SLAMF1: variants seen among roughly 807,000 people sequenced by gnomAD.
SLAMF1 encodes the protein signaling lymphocytic activation molecule.
A neutral mutation model predicts 35.1 loss-of-function variants in SLAMF1; 18 were observed. The ratio of observed to expected loss-of-function variants is 0.51; its 90% confidence interval spans 0.35 to 0.76. The LOEUF is 0.76. Ranked by LOEUF, SLAMF1 falls within the 30% of genes least tolerant of loss-of-function variation. SLAMF1 has a pLI of 0.01. For synonymous variants in SLAMF1, 168 were observed against 157.2 expected (o/e 1.07, Z -0.51); for missense variants, 392 against 413.0 (o/e 0.95, Z 0.44).
intron 3 of SLAMF1, among the ~76,000 whole-genome samples, chr1:160,626,546 C>T (rs1445270750): frequency 2.6e-5 from 4 of 152,058 alleles, no homozygotes; most frequent in East Asian, 1.9e-4. Flanking sequence ...CCTTTTTAAC[C>T]TTAAGGGAAC....
At chr1:160,646,656 T>G (rs973038466) in intron 1 of SLAMF1, among the ~76,000 whole-genome samples, 1 of 152,158 alleles carries the variant, frequency 6.6e-6, no homozygotes, top group African/African-American at 2.4e-5. Flanking sequence ...CCTTGGAAAC[T>G]GGGGTTGGTG....
Position 160,642,298 on chromosome 1 carries a change from A to G in SLAMF1, c.76+4572T>C, listed in dbSNP as rs1184172576. Among the ~76,000 whole-genome samples the G allele has an allele frequency of 6.6e-6, 1 of 152,206 alleles. No individual in the cohort carries two copies. Among genetic ancestry groups the G allele is most frequent in the East Asian group, 1.9e-4 (1 of 5,202 alleles). ...ACGTTCCCTAGCCTTAGAGGCTATA[A>G]CCACTCTTTATTTGCCTAGCTAACA... On this transcript the variant is annotated intron_variant, in intron 1 of 6. Transcript: ENST00000302035. The surrounding 1 kb of genome is among the most constrained non-coding windows in gnomAD (Gnocchi z 4.2).
chr1:160,628,255 T>C (rs765037931), intron 3 of SLAMF1, among the ~76,000 whole-genome samples: 2 of 152,204 alleles, frequency 1.3e-5, no homozygotes, highest in Admixed American at 6.5e-5. Flanking sequence ...TGCTGAAGAT[T>C]GAAGGGTCCC....
chr1:160,620,094 A>G (rs1659528458), intron 4 of SLAMF1, among the ~76,000 whole-genome samples: 3 of 152,242 alleles, frequency 2.0e-5, no homozygotes, highest in Admixed American at 6.5e-5. Flanking sequence ...TGATAATTAA[A>G]TGAGATACCA....
intron 5 of SLAMF1, among the ~76,000 whole-genome samples, chr1:160,617,276 A>G (rs1329312397): frequency 6.6e-6 from 1 of 152,208 alleles, no homozygotes; most frequent in Non-Finnish European, 1.5e-5. Context: ...ATTTGGAGGT[A>G]TGCATACTCT....
chr1:160,621,777 A>G (rs960458662), intron 4 of SLAMF1, among the ~76,000 whole-genome samples: 2 of 151,584 alleles, frequency 1.3e-5, no homozygotes, highest in Non-Finnish European at 2.9e-5. Context: ...GTGTGTGGGT[A>G]TGAGCACGGT....
At chr1:160,620,504 T>G (rs1570975874) in intron 4 of SLAMF1, among the ~76,000 whole-genome samples, 2 of 152,326 alleles carry the variant, frequency 1.3e-5, no homozygotes, top group Non-Finnish European at 2.9e-5. Flanking sequence ...CAGAATATTT[T>G]AATTTTTAGC....
intron 1 of SLAMF1, among the ~76,000 whole-genome samples, chr1:160,645,804 G>T (rs1661012899): frequency 6.6e-6 from 1 of 152,132 alleles, no homozygotes; most frequent in African/African-American, 2.4e-5. Context: ...TGGCTGTCTG[G>T]TAAAAGACAC....
At chr1:160,620,097 A>G (rs1444010478) in intron 4 of SLAMF1, among the ~76,000 whole-genome samples, 1 of 152,232 alleles carries the variant, frequency 6.6e-6, no homozygotes, top group Non-Finnish European at 1.5e-5. Context: ...TAATTAAATG[A>G]GATACCACTT....
chr1:160,631,108 A>G (rs1390425869), intron 3 of SLAMF1, among the ~76,000 whole-genome samples: 1 of 152,210 alleles, frequency 6.6e-6, no homozygotes, highest in African/African-American at 2.4e-5. Context: ...ACTGGCCCCT[A>G]GCACAATGTA....
At position 160,634,369 on chromosome 1, in the gene SLAMF1, G is replaced by A. The variant is rs909781276; in HGVS notation, c.700+244C>T. ...GAGAAGGCTACGCCTTGGAGACTTA[G>A]GCTCTGGGTCTGTCTCTATCACCTC... On this transcript the variant is annotated intron_variant, in intron 3 of 6. Coordinates refer to ENST00000302035, the MANE Select transcript of SLAMF1 (RefSeq NM_003037.5). 13 of 983,108 alleles carry A rather than the reference G, an allele frequency of 1.3e-5. No homozygotes were observed. The South Asian group carries it at 5.7e-4, about 43-fold the overall frequency. 60.9% of individuals were successfully genotyped at this position (983,108 alleles called of 1,614,324 possible). A position where few individuals can be genotyped will look rare whatever the true frequency, so the allele number is the denominator to read the frequency against.
In SLAMF1 at chr1:160,610,709, C is replaced by A. The variant is rs775142612; in HGVS notation, c.*39G>T. 7 of 1,560,506 alleles carry A rather than the reference C, an allele frequency of 4.5e-6. No individual in the cohort carries two copies. In the East Asian group the frequency reaches 1.6e-4, roughly 35 times the overall value. On this transcript the variant is annotated 3_prime_UTR_variant, in exon 7 of 7. Coordinates refer to ENST00000302035, the MANE Select transcript of SLAMF1 (RefSeq NM_003037.5). ...AAGTTCAGTGTTCATTTTGGTTTTT[C>A]CATTTTCCTTCAGAAAGTCCCTTTG...
At chr1:160,641,352 C>T (rs1395955740) in intron 1 of SLAMF1, among the ~76,000 whole-genome samples, 1 of 152,130 alleles carries the variant, frequency 6.6e-6, no homozygotes, top group Non-Finnish European at 1.5e-5. Flanking sequence ...GGCTCCCATG[C>T]ACTCCTTCCC....
chr1:160,624,300 G>A (rs1439187575), intron 3 of SLAMF1, 115 bp from the exon 4 acceptor site: 1 of 768,268 alleles, frequency 1.3e-6, no homozygotes, highest in Admixed American at 2.6e-5. Flanking sequence ...CTCTCCCAAG[G>A]GAGACGTTTG....
At chr1:160,611,213 G>A (rs1658965923) in intron 6 of SLAMF1, among the ~76,000 whole-genome samples, 1 of 152,202 alleles carries the variant, frequency 6.6e-6, no homozygotes, top group Admixed American at 6.5e-5. Flanking sequence ...GAGAAAAGTG[G>A]TATTGGCAGG....
chr1:160,647,005 A>G lies in SLAMF1; in HGVS notation c.-60T>C. 1 of 862,140 alleles carries G rather than the reference A, an allele frequency of 1.2e-6. No individual in the cohort carries two copies. Among genetic ancestry groups the G allele is most frequent in the Non-Finnish European group, 2.0e-6 (1 of 509,448 alleles). 53.4% of individuals were successfully genotyped at this position (862,140 alleles called of 1,614,324 possible). On this transcript the variant is annotated 5_prime_UTR_variant, in exon 1 of 7. Coordinates refer to ENST00000302035, the MANE Select transcript of SLAMF1 (RefSeq NM_003037.5). ...AGCCTGGCAGCTGCTCACAGATGCC[A>G]GGCAGAAGCAAGCTTCGTGTCATGC... is the stretch of plus-strand genomic sequence containing the variant.
At chr1:160,615,954 C>G (rs1381154676) in intron 5 of SLAMF1, among the ~76,000 whole-genome samples, 1 of 152,152 alleles carries the variant, frequency 6.6e-6, no homozygotes, top group South Asian at 2.1e-4. Context: ...GAGGATGTGC[C>G]TCCTTGATTT....
At chr1:160,613,922 A>G (rs1166491443) in intron 5 of SLAMF1, among the ~76,000 whole-genome samples, 1 of 152,260 alleles carries the variant, frequency 6.6e-6, no homozygotes, top group East Asian at 1.9e-4. Context: ...TATAGTTATA[A>G]GTGCTTGGGC....
chr1:160,620,580 T>C (rs1194991909), intron 4 of SLAMF1, among the ~76,000 whole-genome samples: 1 of 152,190 alleles, frequency 6.6e-6, no homozygotes, highest in Non-Finnish European at 1.5e-5. Flanking sequence ...ATAAAAATTG[T>C]GAAGAAATAT....
Sources: allele counts gnomAD v4.1 joint callset (sites outside exome capture counted in the v4.1 genomes callset), GRCh38; gene constraint gnomAD v4.1.1; non-coding constraint Gnocchi (gnomAD v3.1); transcripts MANE v1.5; gene names NCBI Gene and HGNC (gene_info 2026-07-23, HGNC 2026-07-21).